Variants in FANCA observed in about 807,000 individuals in gnomAD.
FANCA encodes the protein Fanconi anemia group A protein.
A neutral mutation model predicts 194.3 loss-of-function variants in FANCA; 236 were observed. That is an observed-to-expected ratio of 1.21 (90% CI 1.09 to 1.35). FANCA has a LOEUF of 1.35. Among genes scored for constraint, FANCA ranks in the 40% most tolerant of loss-of-function variants. The pLI is 0.00. For synonymous variants in FANCA, 1,014 were observed against 715.8 expected, an observed-to-expected ratio of 1.42 and a Z score of -6.65; for missense variants, 2,628 against 1,813.9, an observed-to-expected ratio of 1.45 and a Z score of -8.15.
chr16:89,816,517 G>T lies in FANCA; in HGVS notation c.79+20C>A. 1 of 1,482,202 alleles carries T rather than the reference G, an allele frequency of 6.7e-7. No homozygotes were observed. The highest frequency in any genetic ancestry group is 8.9e-7 in the Non-Finnish European group (1 of 1,122,798). The allele number at this position is 1,482,202 out of a possible 1,614,324, so 91.8% of individuals were successfully genotyped here. ...CGGGCCGGACGCCGCCCACTCCCGC[G>T]GCCTGCCGCGCCCACCTACCCAGCA... On this transcript the variant is annotated intron_variant, in intron 1 of 42. Coordinates refer to ENST00000389301, the MANE Select transcript of FANCA (RefSeq NM_000135.4).
chr16:89,768,116 G>C (rs2039193782), intron 26 of FANCA, among the ~76,000 whole-genome samples: 1 of 152,192 alleles, frequency 6.6e-6, no homozygotes, highest in Admixed American at 6.5e-5. Flanking sequence ...AACACAGTGA[G>C]ACCCCATCTC....
At chr16:89,804,990 C>T (rs562423362) in intron 7 of FANCA, among the ~76,000 whole-genome samples, 31 of 152,252 alleles carry the variant, frequency 2.0e-4, no homozygotes, top group Non-Finnish European at 2.8e-4. Context: ...GAGCTGAGAT[C>T]GCGCCACTGT....
At position 89,764,987 on chromosome 16, in the gene FANCA, C is replaced by T. The variant is rs587778316; in HGVS notation, c.2681G>A (p.Arg894Lys). The change falls in exon 28 of 43, where the codon AGA becomes AAA. Residue 894 changes from arginine (R) to lysine (K), a missense_variant. Arg to Lys is a conservative substitution (Grantham distance 26). Coordinates refer to ENST00000389301, the MANE Select transcript of FANCA (RefSeq NM_000135.4). Reference protein sequence around the residue: ...SEEDVASLSWRPLHLPSADWQ... With the variant: ...SEEDVASLSWKPLHLPSADWQ... ...GTCTGCAGAAGGAAGGTGCAAGGGT[C>T]TCCAGGAAAGGCTGGCTACGTCCTC... 51 of 1,614,130 alleles carry T rather than the reference C, an allele frequency of 3.2e-5. No homozygotes were observed. Among genetic ancestry groups the T allele is most frequent in the Non-Finnish European group, 4.2e-5 (49 of 1,180,052 alleles).
chr16:89,743,640 G>A (rs569170425), intron 36 of FANCA, among the ~76,000 whole-genome samples: 5 of 152,018 alleles, frequency 3.3e-5, no homozygotes, highest in South Asian at 2.1e-4. Context: ...CCTGACCAAC[G>A]TGGAGAAACC....
At chr16:89,798,280 C>T (rs1598162883) in intron 10 of FANCA, 2 of 953,564 alleles carry the variant, frequency 2.1e-6, no homozygotes, top group Non-Finnish European at 2.5e-6. Flanking sequence ...GCTGTGAGAA[C>T]ACATCTGCCG....
intron 20 of FANCA, among the ~76,000 whole-genome samples, chr16:89,776,982 C>T (rs1567624036): frequency 6.6e-6 from 1 of 151,740 alleles, no homozygotes; most frequent in African/African-American, 2.4e-5. Flanking sequence ...GAAGTTGAAG[C>T]AGGAGGATTA....
chr16:89,782,282 C>T (rs1486343561), intron 17 of FANCA, among the ~76,000 whole-genome samples: 2 of 151,504 alleles, frequency 1.3e-5, no homozygotes, highest in African/African-American at 2.4e-5. Flanking sequence ...GAGGCCAAGG[C>T]GGGCGGATCA....
chr16:89,797,571 G>C (rs1307269152), intron 10 of FANCA, among the ~76,000 whole-genome samples: 6 of 152,084 alleles, frequency 3.9e-5, no homozygotes, highest in Non-Finnish European at 8.8e-5. Context: ...ACTGTTGGAG[G>C]ATGTCTGATT....
At chr16:89,796,418 G>C (rs1289703129) in intron 10 of FANCA, among the ~76,000 whole-genome samples, 1 of 152,168 alleles carries the variant, frequency 6.6e-6, no homozygotes, top group Non-Finnish European at 1.5e-5. Context: ...AGAGGGTCGT[G>C]CCAAGCCTGA....
At chr16:89,792,572 A>G (rs764989348) in intron 11 of FANCA, 25 bp from the exon 12 acceptor site, 1 of 1,607,668 alleles carries the variant, frequency 6.2e-7, no homozygotes, top group Non-Finnish European at 8.5e-7. Context: ...ACAGACAAAA[A>G]CTTCAAGTCA....
At chr16:89,784,546 T>G (rs1345451249) in intron 15 of FANCA, among the ~76,000 whole-genome samples, 1 of 152,094 alleles carries the variant, frequency 6.6e-6, no homozygotes, top group Non-Finnish European at 1.5e-5. Context: ...GCTCACTGTT[T>G]TGAGGGAGAC....
At chr16:89,744,900 T>C (rs959924195) in intron 36 of FANCA, 59 bp downstream of exon 36, 32 of 1,487,762 alleles carry the variant, frequency 2.2e-5, no homozygotes, top group African/African-American at 4.1e-5. Context: ...GGAGATGACC[T>C]TGAGCAGGTC....
chr16:89,755,451 C>T (rs1055004828), intron 30 of FANCA, among the ~76,000 whole-genome samples: 9 of 152,070 alleles, frequency 5.9e-5, no homozygotes, highest in Admixed American at 1.3e-4. Flanking sequence ...GTGATCTGCC[C>T]GCCTCAGCCT....
At chr16:89,797,554 C>A (rs1326194067) in intron 10 of FANCA, among the ~76,000 whole-genome samples, 1 of 152,070 alleles carries the variant, frequency 6.6e-6, no homozygotes, top group Non-Finnish European at 1.5e-5. Context: ...GGAAGCTGGC[C>A]ACCAAGACTG....
At chr16:89,784,546 T>C (rs1345451249) in intron 15 of FANCA, among the ~76,000 whole-genome samples, 1 of 152,094 alleles carries the variant, frequency 6.6e-6, no homozygotes, top group African/African-American at 2.4e-5. Flanking sequence ...GCTCACTGTT[T>C]TGAGGGAGAC....
intron 29 of FANCA, among the ~76,000 whole-genome samples, chr16:89,761,397 T>C (rs1598095925): frequency 1.5e-5 from 2 of 129,762 alleles, no homozygotes; most frequent in Non-Finnish European, 3.1e-5. Context: ...CCAGCCTGGG[T>C]GACAGAGCAA....
At position 89,799,249 on chromosome 16, in the gene FANCA, G is replaced by T; in HGVS notation, c.827-17C>A. The T allele has an allele frequency of 6.2e-7, 1 of 1,613,652 alleles. No individual in the cohort carries two copies. Among genetic ancestry groups the T allele is most frequent in the Non-Finnish European group, 8.5e-7 (1 of 1,179,966 alleles). ...CAAGTGCAACTGAAGACAGAGCCAG[G>T]AACAGAAAACAGATGTCAGCACACG... On this transcript the variant is annotated splice_polypyrimidine_tract_variant and intron_variant, in intron 9 of 42. Transcript: ENST00000389301.
chr16:89,814,744 C>A, intron 2 of FANCA, 131 bp from the exon 3 acceptor site: 1 of 678,390 alleles, frequency 1.5e-6, no homozygotes, highest in Non-Finnish European at 2.7e-6. Flanking sequence ...AGTTCGAGAC[C>A]AGCCTGGCCA....
rs1318245206 is a variant in FANCA, at chr16:89,805,312, T to C, written c.677A>G (p.Gln226Arg). Residue 226 changes from glutamine to arginine, a missense_variant, in exon 7 of 43, where the codon CAG (glutamine) becomes CGG (arginine). Gln to Arg is a conservative substitution (Grantham distance 43). Coordinates refer to ENST00000389301, the MANE Select transcript of FANCA (RefSeq NM_000135.4). ...CLCEQMEASC[Q>R]HADVARAMLS... ...CATGGCCCTGGCGACGTCAGCATGC[T>C]GGCAGGATGCTTCCATCTGTTCACA... 2 of 1,613,914 alleles carry C rather than the reference T, an allele frequency of 1.2e-6. No individual in the cohort carries two copies. The highest frequency in any genetic ancestry group is 1.7e-6 in the Non-Finnish European group (2 of 1,179,964).
Sources: allele counts gnomAD v4.1 joint callset (sites outside exome capture counted in the v4.1 genomes callset), GRCh38; gene constraint gnomAD v4.1.1; transcripts MANE v1.5; gene names NCBI Gene and HGNC (gene_info 2026-07-23, HGNC 2026-07-21).